Variants in AMT observed in about 807,000 individuals in gnomAD.
AMT encodes aminomethyltransferase, mitochondrial.
A neutral mutation model predicts 39.5 loss-of-function variants in AMT; 24 were observed. The observed-to-expected ratio is 0.61, with a 90% CI of 0.44 to 0.86. The LOEUF is 0.86. Among genes scored for constraint, AMT ranks in the 40% least tolerant of loss-of-function variants. The probability of loss-of-function intolerance (pLI) is 0.00; values close to 1 mark genes in which losing one functional copy is unlikely to be tolerated. For synonymous variants in AMT, 210 were observed against 212.1 expected (o/e 0.99, Z 0.09); for missense variants, 501 against 537.0 (o/e 0.93, Z 0.66).
chr3:49,420,371 C>T (rs2049079386), intron 3 of AMT, 29 bp from the exon 4 acceptor site: 1 of 1,613,760 alleles, frequency 6.2e-7, no homozygotes, highest in African/African-American at 1.3e-5. Flanking sequence ...GTTTTGGCTT[C>T]CAGGTCCAGG....
chr3:49,418,140 C>CAGGGGATAGGAGGTGG, intron 7 of AMT, 167 bp from the exon 8 acceptor site: 2 of 820,100 alleles, frequency 2.4e-6, no homozygotes, highest in Non-Finnish European at 3.9e-6. Flanking sequence ...CAACCACCTC[C>CAGGGGATAGGAGGTGG]TATCCCCTGG....
At position 49,417,124 on chromosome 3, in the gene AMT, G is replaced by A. The variant is rs571207015; in HGVS notation, c.*416C>T. The stretch of plus-strand genomic sequence containing the variant: ...AAACTGGAGGGGGTAGCCTAAGTCC[G>A]CACTGCCCATGTTATTACCCTTTGC... On this transcript the variant is annotated 3_prime_UTR_variant, in exon 9 of 9. Coordinates refer to ENST00000273588, the MANE Select transcript of AMT (RefSeq NM_000481.4). 412 of 797,190 alleles carry A rather than the reference G, an allele frequency of 5.2e-4. 3 individuals carry two copies. The South Asian group carries it at 5.5e-3, about 11-fold the overall frequency. The allele number at this position is 797,190 out of a possible 1,614,324, so 49.4% of individuals were successfully genotyped here. A position where few individuals can be genotyped will look rare whatever the true frequency, so the allele number is the denominator to read the frequency against.
chr3:49,421,982 C>G, intron 2 of AMT, 122 bp downstream of exon 2: 1 of 1,415,630 alleles, frequency 7.1e-7, no homozygotes, highest in African/African-American at 1.4e-5. Flanking sequence ...CCCCCATGAC[C>G]TCTAGCTCTT....
At chr3:49,421,987 G>C (rs776336861) in intron 2 of AMT, 117 bp downstream of exon 2, 16 of 1,449,362 alleles carry the variant, frequency 1.1e-5, no homozygotes, top group Non-Finnish European at 1.3e-5. Flanking sequence ...ATGACCTCTA[G>C]CTCTTCTGAG....
At chr3:49,419,893 A>G in intron 4 of AMT, 105 bp from the exon 5 acceptor site, 1 of 1,113,370 alleles carries the variant, frequency 9.0e-7, no homozygotes, top group Non-Finnish European at 1.4e-6. Context: ...GAGGAGGAGG[A>G]GGAGGGAGGA....
intron 7 of AMT, chr3:49,418,695 C>T (rs1303661438): frequency 9.7e-5 from 39 of 401,504 alleles, no homozygotes; most frequent in African/African-American, 2.1e-5. Flanking sequence ...TTAGTAGAGA[C>T]GGGGTTTCAC....
intron 3 of AMT, chr3:49,420,570 G>A: frequency 3.5e-6 from 2 of 566,602 alleles, no homozygotes; most frequent in Non-Finnish European, 6.4e-6. Flanking sequence ...CTGATCTGGT[G>A]CAACCTCTGC....
chr3:49,420,325 A>G lies in AMT; in HGVS notation c.357T>C (p.Phe119=), dbSNP rs1559529373. The change falls in exon 4 of 9, where the codon TTT becomes TTC. Residue 119 remains phenylalanine, a synonymous_variant. Transcript: ENST00000273588. The stretch of plus-strand genomic sequence containing the variant: ...CTAAGATGCCTCCAGCCTCGTTGGT[A>G]AACAGCGACAGTGTCCCCTAGGACC... The part of the protein sequence containing the change: ...LRPNQGTLSL[F]TNEAGGILDD... 3.1e-6 allele frequency: 5 copies of G among 1,614,160 alleles called. No individual in the cohort carries two copies. In the East Asian group the frequency reaches 1.1e-4, roughly 36 times the overall value.
rs2049018009 is a variant in AMT at position 49,417,505 on chromosome 3, ACTC to A, written c.*32_*34del. 3 of 1,613,616 alleles carry A rather than the reference ACTC, an allele frequency of 1.9e-6. No individual in the cohort carries two copies. Among genetic ancestry groups the A allele is most frequent in the Non-Finnish European group, 2.5e-6 (3 of 1,179,922 alleles). The stretch of plus-strand genomic sequence containing the variant: ...TTGACTAACCCCTTGTAGGGGCAAA[ACTC>A]CTGGAAGGGACAGCCCCACCCTGAG... On this transcript the variant is annotated 3_prime_UTR_variant, in exon 9 of 9. Transcript: ENST00000273588.
At position 49,417,354 on chromosome 3, in the gene AMT, G is replaced by T. The variant is rs1169941965; in HGVS notation, c.*186C>A. On this transcript the variant is annotated 3_prime_UTR_variant, in exon 9 of 9. Transcript: ENST00000273588. ...GAGCTGGTCCGTCACTCAGAAGCAG[G>T]GTCCTGAAGGAAGCTGGAATGGCAT... is the stretch of plus-strand genomic sequence containing the variant. 3 of 1,597,088 alleles carry T rather than the reference G, an allele frequency of 1.9e-6. No individual in the cohort carries two copies. Among genetic ancestry groups the T allele is most frequent in the South Asian group, 1.1e-5 (1 of 91,002 alleles).
At position 49,420,437 on chromosome 3, in the gene AMT, G is replaced by A; in HGVS notation, c.340-95C>T. 1.9e-6 allele frequency: 3 copies of A among 1,584,984 alleles called. No individual in the cohort carries two copies. In the South Asian group the frequency reaches 3.3e-5, roughly 18 times the overall value. On this transcript the variant is annotated intron_variant, in intron 3 of 8. Coordinates refer to ENST00000273588, the MANE Select transcript of AMT (RefSeq NM_000481.4). ...CCCTGGACCCACTTAGTTACCAAAA[G>A]GTTATGAACCCTAATGTGAAGGACT...
At chr3:49,419,540 A>G (rs766893584) in intron 5 of AMT, 135 bp from the exon 6 acceptor site, 363 of 1,482,246 alleles carry the variant, frequency 2.4e-4, no homozygotes, top group Non-Finnish European at 3.3e-4. Flanking sequence ...CCTTGTCCCT[A>G]GCCCATGGAG....
intron 2 of AMT, 37 bp downstream of exon 2, chr3:49,422,067 G>A: frequency 1.9e-6 from 3 of 1,612,732 alleles, no homozygotes; most frequent in Non-Finnish European, 1.7e-6. Flanking sequence ...CAGGGAGGAA[G>A]GCCTGATCAG....
Position 49,419,299 on chromosome 3 carries a change from G to A in AMT, c.657C>T (p.Arg219=), listed in dbSNP as rs976237396. The A allele has an allele frequency of 1.5e-5, 25 of 1,614,014 alleles. No individual in the cohort carries two copies. The highest frequency in any genetic ancestry group is 1.6e-4 in the Middle Eastern group (1 of 6,084). ...CTCCTGTGTAGCCACAGCGGGTCAC[G>A]CGGCAGCCAGACACGCCAAACACCT... ...VMEVFGVSGC[R]VTRCGYTGED... is the part of the protein sequence containing the mutation. The change falls in exon 6 of 9, where the codon CGC becomes CGT. Residue 219 remains arginine (R), a synonymous_variant. Transcript: ENST00000273588.
In AMT at chr3:49,422,172, T is replaced by G. The variant is rs753179242; in HGVS notation, c.190A>C (p.Ser64Arg). ...GWSLPVQYRDSHTDSHLHTRQ... is the reference protein window; with the variant it reads ...GWSLPVQYRDRHTDSHLHTRQ... ...GTGTGCAGGTGCGAGTCAGTGTGAC[T>G]GTCCCGGTACTGCACTGGCAGACTC... The change falls in exon 2 of 9, where the codon AGT becomes CGT. Residue 64 changes from serine (S) to arginine (R), a missense_variant. Transcript: ENST00000273588. 2 of 1,613,970 alleles carry G rather than the reference T, an allele frequency of 1.2e-6. No individual in the cohort carries two copies. Among genetic ancestry groups the G allele is most frequent in the African/African-American group, 2.7e-5 (2 of 75,042 alleles).
In AMT at chr3:49,417,614, C is replaced by T. The variant is rs1306590343; in HGVS notation, c.1138G>A (p.Val380Met). 2 of 1,614,198 alleles carry T rather than the reference C, an allele frequency of 1.2e-6. No individual in the cohort carries two copies. The highest frequency in any genetic ancestry group is 1.7e-6 in the Non-Finnish European group (2 of 1,180,048). ...ACAGCCATCTGCTGCTTCCGCCGCA[C>T]CTCTACCAGCAGCATTGTCCCTGGA... ...SRPGTMLLVE[V>M]RRKQQMAVVS... Residue 380 changes from valine (V) to methionine (M), a missense_variant, in exon 9 of 9, where the codon GTG (valine) becomes ATG (methionine). Physicochemically the swap from Val to Met is conservative, Grantham distance 21. Transcript: ENST00000273588.
At chr3:49,420,066 G>C in intron 4 of AMT, 145 bp downstream of exon 4, 1 of 1,127,580 alleles carries the variant, frequency 8.9e-7, no homozygotes, top group South Asian at 1.3e-5. Flanking sequence ...CTCCAGAGAG[G>C]GCCTGCTCTT....
At chr3:49,421,232 G>A (rs1032128140) in intron 3 of AMT, 10 of 502,800 alleles carry the variant, frequency 2.0e-5, no homozygotes, top group Non-Finnish European at 3.3e-5. Flanking sequence ...AATAGAGAGG[G>A]GTTAAGCAGA....
chr3:49,422,002 C>T, intron 2 of AMT, 102 bp downstream of exon 2: 1 of 1,536,102 alleles, frequency 6.5e-7, no homozygotes, highest in East Asian at 2.2e-5. Flanking sequence ...TCTGAGAAGG[C>T]TGTCCTTGGA....
Sources: allele counts gnomAD v4.1 joint callset, GRCh38; gene constraint gnomAD v4.1.1; transcripts MANE v1.5; gene names NCBI Gene and HGNC (gene_info 2026-07-23, HGNC 2026-07-21).